Variants in ZDHHC15 observed in about 807,000 individuals in gnomAD.
The protein encoded by ZDHHC15 is zDHHC palmitoyltransferase 15, also known as palmitoyltransferase ZDHHC15.
In ZDHHC15, 19 loss-of-function variants were observed where a neutral mutation model predicts 31.7. The ratio of observed to expected loss-of-function variants is 0.60; its 90% CI spans 0.42 to 0.88. The LOEUF is 0.88. Among genes scored for constraint, ZDHHC15 ranks in the 40% least tolerant of loss-of-function variants. The probability of loss-of-function intolerance (pLI) is 0.00; values close to 1 mark genes in which losing one functional copy is unlikely to be tolerated. For missense variants in ZDHHC15, 209 were observed against 251.2 expected, an observed-to-expected ratio of 0.83 and a Z score of 1.14; for synonymous variants, 103 against 90.0, an observed-to-expected ratio of 1.14 and a Z score of -0.82.
intron 4 of ZDHHC15, among the ~76,000 whole-genome samples, chrX:75,433,594 G>A (rs1219170094): frequency 4.5e-5 from 5 of 109,919 alleles, no homozygotes; most frequent in Non-Finnish European, 9.5e-5. Flanking sequence ...CCAGGTTGCT[G>A]AGAATGCCAT....
Position 75,431,304 on chromosome X carries a change from C to T in ZDHHC15, c.449+147G>A, listed in dbSNP as rs185814953. ...TAGAGTAGCTTGGATCATCATCATCCGTGTGAGGGGTTTTGGCATATGCTC... is the reference window on the plus strand; with the variant it reads ...TAGAGTAGCTTGGATCATCATCATCTGTGTGAGGGGTTTTGGCATATGCTC... On this transcript the variant is annotated intron_variant, in intron 5 of 11. Coordinates refer to ENST00000373367, the MANE Select transcript of ZDHHC15 (RefSeq NM_144969.3). 41 of 431,821 alleles carry T rather than the reference C, an allele frequency of 9.5e-5. No homozygotes were observed. In the East Asian group the frequency reaches 1.4e-3, roughly 15 times the overall value. 35.6% of individuals were successfully genotyped at this position (431,821 alleles called of 1,213,427 possible).
At chrX:75,385,021 C>G (rs1041684097) in intron 10 of ZDHHC15, among the ~76,000 whole-genome samples, 1 of 111,953 alleles carries the variant, frequency 8.9e-6, no homozygotes, top group Non-Finnish European at 1.9e-5. Context: ...TAACTTATGA[C>G]TCTGTCTAAG....
At chrX:75,449,184 A>ATC (rs3075207) in intron 4 of ZDHHC15, among the ~76,000 whole-genome samples, 1 of 85,040 alleles carries the variant, frequency 1.2e-5, no homozygotes, top group African/African-American at 4.5e-5. Context: ...ATTCCTCATA[A>ATC]TCTCTCTCTC....
In ZDHHC15 at chrX:75,375,290, G is replaced by T. The variant is rs183677952; in HGVS notation, c.*33-2345C>A. ...TAATAGATAAAAATTAGTATTTTAG[G>T]TTATTTTAATTTGCATTTCTTTACA... is the stretch of plus-strand genomic sequence containing the variant. On this transcript the variant is annotated intron_variant, in intron 11 of 11. Transcript: ENST00000373367. Among the ~76,000 whole-genome samples, 6 of 111,831 alleles carry T rather than the reference G, an allele frequency of 5.4e-5. No homozygotes were observed. The East Asian group carries it at 1.4e-3, about 26-fold the overall frequency.
intron 2 of ZDHHC15, among the ~76,000 whole-genome samples, chrX:75,494,185 T>G (rs1909873872): frequency 9.0e-6 from 1 of 111,327 alleles, no homozygotes; most frequent in Non-Finnish European, 1.9e-5. Flanking sequence ...CATTCATAAT[T>G]GCTTCAAAGA....
intron 4 of ZDHHC15, 39 bp from the exon 5 acceptor site, chrX:75,431,559 G>T (rs758909230): frequency 1.8e-6 from 2 of 1,135,917 alleles, no homozygotes; most frequent in South Asian, 3.8e-5. Context: ...ACTTGTTAGG[G>T]CTCAATATAA....
Position 75,429,953 on chromosome X carries a change from G to A in ZDHHC15, c.477C>T (p.Cys159=), listed in dbSNP as rs762529924. ...AMCVLKMDHH[C]PWVNNCIGFS... ...AATGAATCAAACAGACATACCAAGGGCAGTGATGATCCATTTTTAACACAC... is the reference window on the plus strand; with the variant it reads ...AATGAATCAAACAGACATACCAAGGACAGTGATGATCCATTTTTAACACAC... Residue 159 remains cysteine, a synonymous_variant, in exon 6 of 12, where the codon TGC becomes TGT. Coordinates refer to ENST00000373367, the MANE Select transcript of ZDHHC15 (RefSeq NM_144969.3). 33 of 1,207,345 alleles carry A rather than the reference G, an allele frequency of 2.7e-5. No individual in the cohort carries two copies. The highest frequency in any genetic ancestry group is 3.1e-5 in the Non-Finnish European group (28 of 893,812).
chrX:75,484,997 A>G (rs2084754416), intron 2 of ZDHHC15, among the ~76,000 whole-genome samples: 1 of 111,950 alleles, frequency 8.9e-6, no homozygotes, highest in African/African-American at 3.2e-5. Flanking sequence ...AATTTATATA[A>G]CTATGGGAAA....
rs189964784 is a variant in ZDHHC15 at position 75,456,211 on chromosome X, G to A, written c.259-5289C>T. Among the ~76,000 whole-genome samples, 6 of 110,958 alleles carry A rather than the reference G, an allele frequency of 5.4e-5. No individual in the cohort carries two copies. In the East Asian group the frequency reaches 1.1e-3, roughly 21 times the overall value. ...AGTTCATGTCCTTTGTAGCAACATCGATGAAGCTGGAAACCATCATTCTGA... is the reference window on the plus strand; with the variant it reads ...AGTTCATGTCCTTTGTAGCAACATCAATGAAGCTGGAAACCATCATTCTGA... On this transcript the variant is annotated intron_variant, in intron 3 of 11. Coordinates refer to ENST00000373367, the MANE Select transcript of ZDHHC15 (RefSeq NM_144969.3).
At chrX:75,483,963 A>G (rs1488000566) in intron 2 of ZDHHC15, among the ~76,000 whole-genome samples, 1 of 111,533 alleles carries the variant, frequency 9.0e-6, no homozygotes, top group Non-Finnish European at 1.9e-5. Context: ...CTCAGAATGT[A>G]TTACCTTTTG....
At chrX:75,374,571 T>A (rs1286434720) in intron 11 of ZDHHC15, among the ~76,000 whole-genome samples, 1 of 109,552 alleles carries the variant, frequency 9.1e-6, no homozygotes, top group Admixed American at 9.9e-5. Context: ...AAAGTCTTGG[T>A]CACAAATGTT....
At chrX:75,464,307 G>A (rs1602671497) in intron 3 of ZDHHC15, among the ~76,000 whole-genome samples, 1 of 110,927 alleles carries the variant, frequency 9.0e-6, no homozygotes, top group South Asian at 3.8e-4. Context: ...AGGGAGGAGG[G>A]AAAGCATTAG....
At chrX:75,475,595 A>C (rs189364187) in intron 3 of ZDHHC15, among the ~76,000 whole-genome samples, 2 of 112,189 alleles carry the variant, frequency 1.8e-5, no homozygotes, top group Admixed American at 9.4e-5. Context: ...TCCTTATGCT[A>C]GTACCACATT....
chrX:75,386,958 C>T (rs1321608700), intron 10 of ZDHHC15, among the ~76,000 whole-genome samples: 1 of 111,249 alleles, frequency 9.0e-6, no homozygotes, highest in African/African-American at 3.3e-5. Flanking sequence ...ATTTTACCTT[C>T]CTTACTAGGA....
chrX:75,501,187 A>G (rs991437620), intron 2 of ZDHHC15, among the ~76,000 whole-genome samples: 2 of 110,689 alleles, frequency 1.8e-5, no homozygotes, highest in African/African-American at 6.6e-5. Context: ...AGTTCTCACA[A>G]TTTAGCTCCC....
intron 2 of ZDHHC15, among the ~76,000 whole-genome samples, chrX:75,498,707 C>T (rs767820807): frequency 9.0e-5 from 10 of 111,504 alleles, no homozygotes; most frequent in Non-Finnish European, 1.5e-4. Context: ...AATGACCATA[C>T]GACAAAAGCA....
chrX:75,402,476 A>G (rs1764324651), intron 10 of ZDHHC15, among the ~76,000 whole-genome samples: 1 of 111,172 alleles, frequency 9.0e-6, no homozygotes, highest in African/African-American at 3.3e-5. Flanking sequence ...GAAACATTAA[A>G]AAAATGGATA....
chrX:75,436,993 T>C (rs1367714633), intron 4 of ZDHHC15, among the ~76,000 whole-genome samples: 1 of 111,965 alleles, frequency 8.9e-6, no homozygotes, highest in African/African-American at 3.2e-5. Flanking sequence ...GCCATTCTCC[T>C]GCCTCAGCCT....
intron 8 of ZDHHC15, 113 bp from the exon 9 acceptor site, chrX:75,422,103 C>CT: frequency 1.0e-6 from 1 of 961,286 alleles, no homozygotes; most frequent in Non-Finnish European, 1.4e-6. Flanking sequence ...TCTATTATAT[C>CT]TTTTTGCTGT....
Sources: allele counts gnomAD v4.1 joint callset (sites outside exome capture counted in the v4.1 genomes callset), GRCh38; gene constraint gnomAD v4.1.1; transcripts MANE v1.5; gene names NCBI Gene and HGNC (gene_info 2026-07-23, HGNC 2026-07-21).